Variants in ABHD3 observed in about 807,000 individuals in gnomAD.
ABHD3 encodes phospholipase ABHD3.
A neutral mutation model predicts 48.8 loss-of-function variants in ABHD3; 46 were observed. The ratio of observed to expected loss-of-function variants is 0.94; its 90% CI spans 0.74 to 1.20. The LOEUF (loss-of-function observed/expected upper bound fraction) is 1.20. Among genes scored for constraint, ABHD3 ranks in the 50% most tolerant of loss-of-function variants. ABHD3 has a pLI of 0.00. For missense variants in ABHD3, 490 were observed against 497.8 expected, an observed-to-expected ratio of 0.98 and a Z score of 0.15; for synonymous variants, 192 against 183.7, an observed-to-expected ratio of 1.04 and a Z score of -0.36.
intron 3 of ABHD3, among the ~76,000 whole-genome samples, chr18:21,691,544 GA>G (rs2040251850): frequency 6.6e-6 from 1 of 152,156 alleles, no homozygotes; most frequent in Non-Finnish European, 1.5e-5. Flanking sequence ...AGATGCTTCA[GA>G]AATCAAACGC....
At chr18:21,652,179 T>C (rs530540615) in intron 8 of ABHD3, among the ~76,000 whole-genome samples, 1 of 152,178 alleles carries the variant, frequency 6.6e-6, no homozygotes, top group African/African-American at 2.4e-5. Flanking sequence ...AGAAATTCAT[T>C]AGGTATTATT....
intron 3 of ABHD3, among the ~76,000 whole-genome samples, chr18:21,695,489 T>C (rs1020272784): frequency 6.6e-6 from 1 of 152,212 alleles, no homozygotes; most frequent in Non-Finnish European, 1.5e-5. Flanking sequence ...GCAGATGTGA[T>C]GGCTACTGCT....
In ABHD3 at chr18:21,664,249, A is replaced by C; in HGVS notation, c.556-19T>G. On this transcript the variant is annotated intron_variant, in intron 4 of 8. Transcript: ENST00000289119. ...TTGGCGTCTGGAAGTAGTGACAAGT[A>C]AAGCACAAAAATTACAATGTGAGGT... 6.2e-7 allele frequency: 1 copy of C among 1,600,866 alleles called. No homozygotes were observed. Among genetic ancestry groups the C allele is most frequent in the Non-Finnish European group, 8.5e-7 (1 of 1,175,816 alleles).
In ABHD3 at chr18:21,667,234, C is replaced by CTTTTT. The variant is rs745430805; in HGVS notation, c.556-3009_556-3005dup. On this transcript the variant is annotated intron_variant, in intron 4 of 8. Coordinates refer to ENST00000289119, the MANE Select transcript of ABHD3 (RefSeq NM_138340.5). ...GATTACAGGCGCCCACCACCACACC[C>CTTTTT]TTTTTTTTTTTTTTTTTTTTTTTTT... 8.6e-5 allele frequency among the ~76,000 whole-genome samples: 7 copies of CTTTTT among 81,474 alleles called. 1 individual carries two copies. Among genetic ancestry groups the CTTTTT allele is most frequent in the African/African-American group, 3.4e-4 (5 of 14,734 alleles). The allele number at this position is 81,474 out of a possible 152,430, so 53.5% of individuals were successfully genotyped here. A position where few individuals can be genotyped will look rare whatever the true frequency, so the allele number is the denominator to read the frequency against.
intron 3 of ABHD3, among the ~76,000 whole-genome samples, chr18:21,695,003 T>C (rs960213105): frequency 6.6e-6 from 1 of 152,180 alleles, no homozygotes; most frequent in Non-Finnish European, 1.5e-5. Context: ...CCAATTTTAA[T>C]TGGGACATGG....
intron 5 of ABHD3, chr18:21,663,840 G>A: frequency 1.3e-6 from 2 of 1,519,056 alleles, no homozygotes; most frequent in Non-Finnish European, 1.8e-6. Flanking sequence ...ATGGCAGCCG[G>A]TGAGTGATGC....
rs572564579 is a variant in ABHD3 at position 21,655,968 on chromosome 18, C to A, written c.1057+893G>T. 2.4e-4 allele frequency among the ~76,000 whole-genome samples: 37 copies of A among 151,464 alleles called. No individual in the cohort carries two copies. The East Asian group carries it at 7.3e-3, about 30-fold the overall frequency. Reference sequence around the variant, plus strand: ...GGTCAGGAGTTTGAGACCAGCCTGGCCAATATGGTGAAACCCCATCTCTAC... The same window carrying A: ...GGTCAGGAGTTTGAGACCAGCCTGGACAATATGGTGAAACCCCATCTCTAC... On this transcript the variant is annotated intron_variant, in intron 8 of 8. Coordinates refer to ENST00000289119, the MANE Select transcript of ABHD3 (RefSeq NM_138340.5).
At position 21,703,619 on chromosome 18, in the gene ABHD3, AGGTCTAAGCAG is replaced by A. The variant is rs776638883; in HGVS notation, c.280_290del (p.Leu94PhefsTer13). 1 of 1,613,744 alleles carries A rather than the reference AGGTCTAAGCAG, an allele frequency of 6.2e-7. No homozygotes were observed. The highest frequency in any genetic ancestry group is 8.5e-7 in the Non-Finnish European group (1 of 1,179,676). On this transcript the variant is annotated frameshift_variant, in exon 2 of 9. Transcript: ENST00000289119. LOFTEE classifies it high-confidence loss of function. ...GCACCGGGGGCTTCGAAGTGATGAA[AGGTCTAAGCAG>A]GGTCTGTCCTCGACCCTCCCAGCAC...
chr18:21,669,842 C>T (rs947246767), intron 4 of ABHD3, among the ~76,000 whole-genome samples: 6 of 152,086 alleles, frequency 3.9e-5, no homozygotes, highest in African/African-American at 9.7e-5. Context: ...AAACTCCTCT[C>T]GAGTACAGGG....
intron 4 of ABHD3, chr18:21,682,250 A>G (rs1464625399): frequency 6.6e-6 from 1 of 152,226 alleles, no homozygotes; most frequent in African/African-American, 2.4e-5. Context: ...GATTACATAA[A>G]TATTAGATAA....
intron 3 of ABHD3, among the ~76,000 whole-genome samples, chr18:21,686,132 T>C (rs77142322): frequency 0.036 from 5,515 of 152,348 alleles, 157 homozygotes; most frequent in Non-Finnish European, 0.054. Flanking sequence ...CATGAGCCAC[T>C]GTGCCTGGCC....
intron 4 of ABHD3, among the ~76,000 whole-genome samples, chr18:21,676,630 A>G (rs1024184186): frequency 2.6e-5 from 4 of 152,168 alleles, no homozygotes; most frequent in African/African-American, 9.6e-5. Context: ...GCCTCAAGTG[A>G]TCCACCCGCC....
chr18:21,689,056 T>C (rs1472959410), intron 3 of ABHD3, among the ~76,000 whole-genome samples: 1 of 152,140 alleles, frequency 6.6e-6, no homozygotes, highest in African/African-American at 2.4e-5. Flanking sequence ...GAATAATAAC[T>C]ATACATTCTT....
chr18:21,704,711 G>C lies in ABHD3; in HGVS notation c.-46C>G, dbSNP rs2040600134. 1 of 1,377,862 alleles carries C rather than the reference G, an allele frequency of 7.3e-7. No homozygotes were observed. Among genetic ancestry groups the C allele is most frequent in the African/African-American group, 1.5e-5 (1 of 64,836 alleles). The allele number at this position is 1,377,862 out of a possible 1,614,324, so 85.4% of individuals were successfully genotyped here. A position where few individuals can be genotyped will look rare whatever the true frequency, so the allele number is the denominator to read the frequency against. On this transcript the variant is annotated 5_prime_UTR_variant, in exon 1 of 9. Coordinates refer to ENST00000289119, the MANE Select transcript of ABHD3 (RefSeq NM_138340.5). Reference sequence around the variant, plus strand: ...GGGTCCTGCGGCGGGAGGAGAGCCGGCTGGCGAGCGGGCGAGAGCGGGCGA... The same window carrying C: ...GGGTCCTGCGGCGGGAGGAGAGCCGCCTGGCGAGCGGGCGAGAGCGGGCGA...
At chr18:21,687,790 A>G (rs1323889581) in intron 3 of ABHD3, among the ~76,000 whole-genome samples, 1 of 152,222 alleles carries the variant, frequency 6.6e-6, no homozygotes, top group Admixed American at 6.5e-5. Context: ...AAAGGAAGAG[A>G]CTACCTATAG....
Position 21,664,158 on chromosome 18 carries a change from G to T in ABHD3, c.628C>A (p.Pro210Thr). 1 of 1,613,990 alleles carries T rather than the reference G, an allele frequency of 6.2e-7. No homozygotes were observed. Among genetic ancestry groups the T allele is most frequent in the Middle Eastern group, 1.7e-4 (1 of 6,060 alleles). Reference sequence around the variant, plus strand: ...CCTGCTGCCAGGAAAGGAGCAGAAGGGTACAGGCTGTGTACATGGTGAATA... The same window carrying T: ...CCTGCTGCCAGGAAAGGAGCAGAAGTGTACAGGCTGTGTACATGGTGAATA... ...TVIHHVHSLY[P>T]SAPFLAAGVS... The change falls in exon 5 of 9, where the codon CCT becomes ACT. Residue 210 changes from proline (P) to threonine (T), a missense_variant. Coordinates refer to ENST00000289119, the MANE Select transcript of ABHD3 (RefSeq NM_138340.5).
At chr18:21,668,200 C>CAAAAAAAAAAAAAAAAAAA (rs747590942) in intron 4 of ABHD3, among the ~76,000 whole-genome samples, 5 of 61,330 alleles carry the variant, frequency 8.2e-5, no homozygotes, top group African/African-American at 2.3e-4. Flanking sequence ...GAATCTATCT[C>CAAAAAAAAAAAAAAAAAAA]AAAAAAAAAA....
chr18:21,686,705 G>A (rs1809617851), intron 3 of ABHD3, among the ~76,000 whole-genome samples: 2 of 152,190 alleles, frequency 1.3e-5, no homozygotes, highest in South Asian at 4.1e-4. Context: ...ACGTGGGGCA[G>A]AGAGATAAGG....
At chr18:21,683,454 A>C in intron 4 of ABHD3, 1 of 417,272 alleles carries the variant, frequency 2.4e-6, no homozygotes, top group Non-Finnish European at 5.0e-6. Flanking sequence ...AGTGGAAAAA[A>C]AATCACTGTA....
Sources: allele counts gnomAD v4.1 joint callset (sites outside exome capture counted in the v4.1 genomes callset), GRCh38; gene constraint gnomAD v4.1.1; transcripts MANE v1.5; gene names NCBI Gene and HGNC (gene_info 2026-07-23, HGNC 2026-07-21).